MAN1A2: variants seen among roughly 807,000 people sequenced by gnomAD.
The protein encoded by MAN1A2 is mannosyl-oligosaccharide 1,2-alpha-mannosidase IB.
MAN1A2 carries 26 observed loss-of-function variants against 75.7 expected under a neutral mutation model. The observed-to-expected ratio is 0.34, with a 90% CI of 0.25 to 0.48. The LOEUF (loss-of-function observed/expected upper bound fraction) is 0.48. Among genes scored for constraint, MAN1A2 ranks in the 20% least tolerant of loss-of-function variants. The pLI, the probability that MAN1A2 is intolerant of heterozygous loss-of-function variation, is 0.99. For synonymous variants in MAN1A2, 247 were observed against 264.6 expected, an observed-to-expected ratio of 0.93 and a Z score of 0.65; for missense variants, 562 against 775.5, an observed-to-expected ratio of 0.72 and a Z score of 3.27.
chr1:117,503,930 A>G (rs1308137653), intron 12 of MAN1A2, among the ~76,000 whole-genome samples: 1 of 151,460 alleles, frequency 6.6e-6, no homozygotes, highest in Non-Finnish European at 1.5e-5. Context: ...TAGCTTATAC[A>G]TTATAGAATC....
At chr1:117,479,250 G>T (rs1165578813) in intron 8 of MAN1A2, among the ~76,000 whole-genome samples, 2 of 151,824 alleles carry the variant, frequency 1.3e-5, no homozygotes, top group Admixed American at 6.6e-5. Context: ...TCCAGCTCCA[G>T]CCATGTCCCT....
At chr1:117,466,606 A>T (rs923444040) in intron 8 of MAN1A2, among the ~76,000 whole-genome samples, 179 bp downstream of exon 8, 1 of 152,114 alleles carries the variant, frequency 6.6e-6, no homozygotes, top group Non-Finnish European at 1.5e-5. Context: ...TTTCCCACTT[A>T]TAAAATGGAA....
Position 117,499,434 on chromosome 1 carries a change from G to T in MAN1A2, c.1557G>T (p.Val519=), listed in dbSNP as rs1262149012. ...SFKFDGAVEA[V]AVRQAEKYYI... ...AGTTTGATGGTGCAGTGGAGGCTGTGGCTGTCCGGCAGGCTGAAAAGTATT... is the reference window on the plus strand; with the variant it reads ...AGTTTGATGGTGCAGTGGAGGCTGTTGCTGTCCGGCAGGCTGAAAAGTATT... Residue 519 remains valine, a synonymous_variant, in exon 11 of 13, where the codon GTG becomes GTT. Transcript: ENST00000356554. 1 of 1,604,554 alleles carries T rather than the reference G, an allele frequency of 6.2e-7. No homozygotes were observed. The highest frequency in any genetic ancestry group is 1.4e-5 in the African/African-American group (1 of 74,064).
At chr1:117,447,337 CTT>C (rs1209095384) in intron 6 of MAN1A2, among the ~76,000 whole-genome samples, 2 of 151,974 alleles carry the variant, frequency 1.3e-5, no homozygotes, top group South Asian at 2.1e-4. Flanking sequence ...AATGTTGTGA[CTT>C]AAAATTAATT....
At chr1:117,409,927 A>G (rs752972775) in intron 3 of MAN1A2, among the ~76,000 whole-genome samples, 23 of 152,110 alleles carry the variant, frequency 1.5e-4, no homozygotes, top group Middle Eastern at 3.4e-3. Flanking sequence ...TTTGGTATCC[A>G]TGGAGGATTG....
chr1:117,458,524 T>TATATATA (rs373076182), intron 6 of MAN1A2, among the ~76,000 whole-genome samples: 2 of 71,704 alleles, frequency 2.8e-5, no homozygotes, highest in African/African-American at 1.1e-4. Flanking sequence ...TATATATATA[T>TATATATA]TTTTTTTTTT....
intron 3 of MAN1A2, 28 bp downstream of exon 3, chr1:117,405,673 T>G (rs1283171778): frequency 8.1e-7 from 1 of 1,229,104 alleles, no homozygotes; most frequent in Non-Finnish European, 1.2e-6. Context: ...AATTACTATT[T>G]CCATTTTCTA....
At chr1:117,430,039 C>G (rs1648560656) in intron 5 of MAN1A2, among the ~76,000 whole-genome samples, 1 of 44,808 alleles carries the variant, frequency 2.2e-5, no homozygotes, top group Non-Finnish European at 4.7e-5. Flanking sequence ...GGGCTGACCC[C>G]CCCACCTCCC....
chr1:117,489,804 A>G (rs2101869733), intron 8 of MAN1A2, among the ~76,000 whole-genome samples: 1 of 152,220 alleles, frequency 6.6e-6, no homozygotes, highest in East Asian at 1.9e-4. Flanking sequence ...ATATATGAAT[A>G]TTAATATGCT....
chr1:117,466,949 G>T (rs1247806831), intron 8 of MAN1A2, among the ~76,000 whole-genome samples: 1 of 152,092 alleles, frequency 6.6e-6, no homozygotes, highest in East Asian at 1.9e-4. Context: ...TCACAGGCTG[G>T]CAGGATAGGC....
intron 5 of MAN1A2, among the ~76,000 whole-genome samples, chr1:117,428,201 A>G (rs1392186033): frequency 2.0e-5 from 3 of 151,470 alleles, no homozygotes; most frequent in East Asian, 1.9e-4. Context: ...TGGAACCTCA[A>G]CCTCCTGGGC....
intron 1 of MAN1A2, among the ~76,000 whole-genome samples, chr1:117,375,308 C>G (rs1264230776): frequency 6.6e-6 from 1 of 152,140 alleles, no homozygotes; most frequent in Admixed American, 6.5e-5. Flanking sequence ...ACAAAACACA[C>G]CTCTCATGGG....
At chr1:117,386,576 T>G (rs1408558233) in intron 1 of MAN1A2, among the ~76,000 whole-genome samples, 4 of 152,196 alleles carry the variant, frequency 2.6e-5, no homozygotes, top group African/African-American at 9.7e-5. Context: ...ACTAGCTTCC[T>G]TTGCTTCACT....
At chr1:117,379,365 A>G (rs1653257299) in intron 1 of MAN1A2, among the ~76,000 whole-genome samples, 1 of 152,116 alleles carries the variant, frequency 6.6e-6, no homozygotes, top group African/African-American at 2.4e-5. Flanking sequence ...TTTGTTAAGT[A>G]TAGCCTTTAG....
At chr1:117,419,260 A>G (rs1648110987) in intron 4 of MAN1A2, among the ~76,000 whole-genome samples, 1 of 152,086 alleles carries the variant, frequency 6.6e-6, no homozygotes, top group Non-Finnish European at 1.5e-5. Flanking sequence ...CATTTTAACT[A>G]TAGTGTGCTG....
Position 117,524,942 on chromosome 1 carries a change from A to G in MAN1A2, c.*1985A>G, listed in dbSNP as rs1651965537. Reference sequence around the variant, plus strand: ...TTAGCCTTCCTCGTAAAAGTAGCACAAGCCCACTTATGAATCACTGAGAAA... The same window carrying G: ...TTAGCCTTCCTCGTAAAAGTAGCACGAGCCCACTTATGAATCACTGAGAAA... On this transcript the variant is annotated 3_prime_UTR_variant, in exon 13 of 13. Transcript: ENST00000356554. 8.8e-6 allele frequency: 3 copies of G among 339,652 alleles called. No individual in the cohort carries two copies. The highest frequency in any genetic ancestry group is 4.3e-5 in the African/African-American group (2 of 46,598). The allele number at this position is 339,652 out of a possible 1,614,324, so 21.0% of individuals were successfully genotyped here.
At chr1:117,460,433 A>C (rs1649780577) in intron 6 of MAN1A2, 56 bp from the exon 7 acceptor site, 3 of 1,273,564 alleles carry the variant, frequency 2.4e-6, no homozygotes, top group African/African-American at 1.5e-5. Context: ...TCATTAAACG[A>C]ATGTTTTGGT....
intron 3 of MAN1A2, among the ~76,000 whole-genome samples, chr1:117,407,152 T>C (rs1190093814): frequency 6.6e-6 from 1 of 152,108 alleles, no homozygotes; most frequent in East Asian, 1.9e-4. Flanking sequence ...CAAAATTAGG[T>C]GCTGCTTATT....
Position 117,522,811 on chromosome 1 carries a change from C to G in MAN1A2, c.1794-14C>G. 6.2e-7 allele frequency: 1 copy of G among 1,608,056 alleles called. No individual in the cohort carries two copies. Among genetic ancestry groups the G allele is most frequent in the Non-Finnish European group, 8.5e-7 (1 of 1,176,872 alleles). On this transcript the variant is annotated splice_polypyrimidine_tract_variant and intron_variant, in intron 12 of 12. Coordinates refer to ENST00000356554, the MANE Select transcript of MAN1A2 (RefSeq NM_006699.5). The stretch of plus-strand genomic sequence containing the variant: ...ATTCTAACTGAAGCTCATTTCTCCC[C>G]TTTTTATTTTCAGATATTTGTATCT...
Sources: allele counts gnomAD v4.1 joint callset (sites outside exome capture counted in the v4.1 genomes callset), GRCh38; gene constraint gnomAD v4.1.1; transcripts MANE v1.5; gene names NCBI Gene and HGNC (gene_info 2026-07-23, HGNC 2026-07-21).